Variants in CACNA1C observed in about 807,000 individuals in gnomAD.
CACNA1C encodes the protein calcium voltage-gated channel subunit alpha1 C, also known as voltage-dependent L-type calcium channel subunit alpha-1C.
In CACNA1C, 30 loss-of-function variants were observed where a neutral mutation model predicts 229.0. The ratio of observed to expected loss-of-function variants is 0.13; its 90% CI spans 0.10 to 0.18. The LOEUF (loss-of-function observed/expected upper bound fraction) is 0.18. Ranked by LOEUF, CACNA1C falls within the 10% of genes least tolerant of loss-of-function variation. The pLI is 1.00. For missense variants in CACNA1C, 1,658 were observed against 2,845.0 expected (o/e 0.58, Z 9.49); for synonymous variants, 1,114 against 1,132.5 (o/e 0.98, Z 0.33).
chr12:2,059,485 C>CG (rs1027306557), intron 1 of CACNA1C, among the ~76,000 whole-genome samples: 2 of 151,966 alleles, frequency 1.3e-5, no homozygotes, highest in Admixed American at 6.6e-5. Flanking sequence ...GTGAGGAAAG[C>CG]GGGGGTTAAC....
intron 3 of CACNA1C, among the ~76,000 whole-genome samples, chr12:2,313,617 AGATTGGG>A (rs1189613652): frequency 6.6e-6 from 1 of 152,150 alleles, no homozygotes; most frequent in African/African-American, 2.4e-5. Context: ...ATTGATTCAG[AGATTGGG>A]GACTGGCTTT....
chr12:2,015,066 ACTGGATCTT>A (rs1159791154), intron 1 of CACNA1C, among the ~76,000 whole-genome samples: 7 of 152,282 alleles, frequency 4.6e-5, no homozygotes, highest in African/African-American at 1.7e-4. Context: ...AAGAAAACAG[ACTGGATCTT>A]CTGCTTCTCC....
intron 3 of CACNA1C, among the ~76,000 whole-genome samples, chr12:2,328,167 A>G (rs1286786542): frequency 6.6e-6 from 1 of 152,140 alleles, no homozygotes; most frequent in Non-Finnish European, 1.5e-5. Context: ...GCTGGCTGTA[A>G]TATCTCTTGC....
At chr12:2,663,755 T>TG (rs2095895499) in intron 34 of CACNA1C, among the ~76,000 whole-genome samples, 1 of 79,026 alleles carries the variant, frequency 1.3e-5, no homozygotes, top group Non-Finnish European at 3.3e-5. Context: ...TTTTTTTTTT[T>TG]TTTTGAGACG....
intron 9 of CACNA1C, among the ~76,000 whole-genome samples, chr12:2,540,491 G>A (rs1296153783): frequency 6.6e-6 from 1 of 152,034 alleles, no homozygotes; most frequent in Non-Finnish European, 1.5e-5. Flanking sequence ...TTCTAGAAAG[G>A]GCCAGAGAGT....
chr12:2,574,200 CTT>C (rs1253004255), intron 13 of CACNA1C, among the ~76,000 whole-genome samples: 1 of 152,210 alleles, frequency 6.6e-6, no homozygotes, highest in Middle Eastern at 3.2e-3. Flanking sequence ...TGGCCGGAAT[CTT>C]TGTCATCTTT....
At chr12:2,571,420 C>T (rs2054336130) in intron 13 of CACNA1C, among the ~76,000 whole-genome samples, 1 of 152,102 alleles carries the variant, frequency 6.6e-6, no homozygotes, top group Non-Finnish European at 1.5e-5. Flanking sequence ...TTGCAGTTTT[C>T]AATGCCTCTT....
intron 1 of CACNA1C, among the ~76,000 whole-genome samples, chr12:2,075,687 T>G (rs542484301): frequency 6.6e-6 from 1 of 152,272 alleles, no homozygotes; most frequent in African/African-American, 2.4e-5. Flanking sequence ...TGACCTCCGG[T>G]AGGAATGTTC....
At chr12:2,607,363 T>C (rs2075815080) in intron 26 of CACNA1C, 1 of 489,968 alleles carries the variant, frequency 2.0e-6, no homozygotes. Flanking sequence ...AGTGACCTTT[T>C]TTTAGCCCTC....
At chr12:2,586,598 A>C (rs2062562221) in intron 18 of CACNA1C, among the ~76,000 whole-genome samples, 2 of 152,198 alleles carry the variant, frequency 1.3e-5, no homozygotes, top group South Asian at 4.1e-4. Context: ...GCTTGAAGTC[A>C]ATAACATGCT....
chr12:2,606,679 AG>A lies in CACNA1C; in HGVS notation c.3209+19del. On this transcript the variant is annotated intron_variant, in intron 25 of 46. Transcript: ENST00000399655. ...CGGAATGCAAGTGAGTAGAGGTGGGAGGGCAGCCAGGGCCACGGCCGGTCAG... is the reference window on the plus strand; with the variant it reads ...CGGAATGCAAGTGAGTAGAGGTGGGAGGCAGCCAGGGCCACGGCCGGTCAG... 6.2e-7 allele frequency: 1 copy of A among 1,603,708 alleles called. No individual in the cohort carries two copies. Among genetic ancestry groups the A allele is most frequent in the Admixed American group, 1.7e-5 (1 of 58,910 alleles).
chr12:2,026,513 G>A (rs2047353371), intron 1 of CACNA1C, among the ~76,000 whole-genome samples: 1 of 152,184 alleles, frequency 6.6e-6, no homozygotes, highest in Middle Eastern at 3.2e-3. Context: ...ATTATTAGCA[G>A]TGGCAATGGG....
rs568761589 is a variant in CACNA1C at position 2,260,463 on chromosome 12, C to A, written c.477+140033C>A. Among the ~76,000 whole-genome samples, 38 of 144,206 alleles carry A rather than the reference C, an allele frequency of 2.6e-4. No individual in the cohort carries two copies. The South Asian group carries it at 8.1e-3, about 31-fold the overall frequency. The allele number at this position is 144,206 out of a possible 152,430, so 94.6% of individuals were successfully genotyped here. ...TGTGCTACAGCCTTGGTGACAGAGA[C>A]CCTGTCTCTATTAAAAAAAAAAAAA... On this transcript the variant is annotated intron_variant, in intron 3 of 46. Coordinates refer to ENST00000399655, the MANE Select transcript of CACNA1C (RefSeq NM_000719.7).
At chr12:1,991,643 A>G in intron 1 of CACNA1C, 1 of 184,384 alleles carries the variant, frequency 5.4e-6, no homozygotes, top group Non-Finnish European at 1.1e-5. Flanking sequence ...CTAAACGGCC[A>G]CAGTAGTTAG....
intron 3 of CACNA1C, among the ~76,000 whole-genome samples, chr12:2,443,925 T>A (rs2154561586): frequency 6.6e-6 from 1 of 152,290 alleles, no homozygotes; most frequent in East Asian, 1.9e-4. Context: ...AAGGTCAGAG[T>A]GAATAACACT....
At chr12:2,099,559 T>C (rs905111105) in intron 1 of CACNA1C, among the ~76,000 whole-genome samples, 4 of 152,048 alleles carry the variant, frequency 2.6e-5, no homozygotes, top group African/African-American at 7.2e-5. Context: ...GCCACAGTCA[T>C]ATTGGAAGTA....
intron 3 of CACNA1C, among the ~76,000 whole-genome samples, chr12:2,389,069 G>A (rs142594351): frequency 6.5e-4 from 99 of 152,252 alleles, no homozygotes; most frequent in Middle Eastern, 3.4e-3. Context: ...AATGACCAGC[G>A]TAGACAGAGC....
chr12:2,009,991 C>CA (rs1399380343), intron 1 of CACNA1C, among the ~76,000 whole-genome samples: 2 of 151,894 alleles, frequency 1.3e-5, no homozygotes, highest in Non-Finnish European at 2.9e-5. Flanking sequence ...AAAAAAAACC[C>CA]AAAAAACTAT....
chr12:2,090,928 A>G (rs1171331806), intron 1 of CACNA1C, among the ~76,000 whole-genome samples: 1 of 152,214 alleles, frequency 6.6e-6, no homozygotes, highest in Non-Finnish European at 1.5e-5. Flanking sequence ...GATAGCAGCC[A>G]TCCTAATGGG....
Sources: gnomAD v4.1 joint callset for allele counts (sites outside exome capture counted in the v4.1 genomes callset) on GRCh38, gnomAD v4.1.1 for gene constraint, MANE v1.5 for transcripts, NCBI Gene and HGNC (gene_info 2026-07-23, HGNC 2026-07-21) for gene names.